NAALADL2: variants seen among roughly 807,000 people sequenced by gnomAD.
NAALADL2 encodes N-acetylated alpha-linked acidic dipeptidase like 2, also known as inactive N-acetylated-alpha-linked acidic dipeptidase-like protein 2.
In NAALADL2, 76 loss-of-function variants were observed where a neutral mutation model predicts 87.2. The observed-to-expected ratio is 0.87, with a 90% CI of 0.72 to 1.05. NAALADL2 has a LOEUF of 1.05. Ranked by LOEUF, NAALADL2 falls within the 50% of genes least tolerant of loss-of-function variation. NAALADL2 has a pLI of 0.00. For synonymous variants in NAALADL2, 354 were observed against 331.0 expected (o/e 1.07, Z -0.75); for missense variants, 1,089 against 945.8 (o/e 1.15, Z -1.99).
intron 9 of NAALADL2, among the ~76,000 whole-genome samples, chr3:175,497,391 C>T (rs1728963691): frequency 6.6e-6 from 1 of 152,246 alleles, no homozygotes; most frequent in African/African-American, 2.4e-5. Flanking sequence ...TTGCAGAATC[C>T]ACTTTTTACA....
At chr3:175,132,174 T>C (rs1336649598) in intron 2 of NAALADL2, among the ~76,000 whole-genome samples, 25 of 80,170 alleles carry the variant, frequency 3.1e-4, no homozygotes, top group African/African-American at 6.3e-4. Context: ...GGCAGCTGGC[T>C]GGGCAGAGGG....
At chr3:175,388,382 T>G (rs1768663806) in intron 5 of NAALADL2, among the ~76,000 whole-genome samples, 1 of 152,114 alleles carries the variant, frequency 6.6e-6, no homozygotes, top group Non-Finnish European at 1.5e-5. Context: ...AAACTTAGTG[T>G]AGACATTGCT....
chr3:175,780,472 A>G (rs561174811), intron 13 of NAALADL2, among the ~76,000 whole-genome samples: 1 of 152,310 alleles, frequency 6.6e-6, no homozygotes, highest in African/African-American at 2.4e-5. Flanking sequence ...AAATGTACAT[A>G]AAAATAGCAA....
intron 1 of NAALADL2, among the ~76,000 whole-genome samples, chr3:174,956,376 G>A (rs1741156616): frequency 6.6e-6 from 1 of 152,084 alleles, no homozygotes; most frequent in Non-Finnish European, 1.5e-5. Flanking sequence ...GTCATTGGAT[G>A]AAACAAATAT....
intron 1 of NAALADL2, among the ~76,000 whole-genome samples, chr3:174,919,922 A>T (rs985502682): frequency 6.6e-6 from 1 of 152,102 alleles, no homozygotes; most frequent in African/African-American, 2.4e-5. Flanking sequence ...CCTCCACTCC[A>T]CCTCTTGGGG....
At chr3:174,829,318 A>G (rs1343671857) in intron 3 of NAALADL2, among the ~76,000 whole-genome samples, 1 of 138,310 alleles carries the variant, frequency 7.2e-6, no homozygotes, top group Non-Finnish European at 1.5e-5. Context: ...TCCTGTGTCC[A>G]TCTGATCTCA....
intron 3 of NAALADL2, among the ~76,000 whole-genome samples, chr3:174,826,845 G>A (rs770936336): frequency 1.3e-5 from 2 of 152,070 alleles, no homozygotes; most frequent in African/African-American, 2.4e-5. Flanking sequence ...CCCTGCCTGA[G>A]GCCACTTCTA....
intron 6 of NAALADL2, among the ~76,000 whole-genome samples, chr3:175,461,536 C>A (rs1723129588): frequency 1.3e-5 from 2 of 152,146 alleles, no homozygotes; most frequent in Non-Finnish European, 2.9e-5. Flanking sequence ...CTAGCTACTT[C>A]CAGTAAGAAT....
At chr3:175,754,895 G>T (rs938253523) in intron 12 of NAALADL2, among the ~76,000 whole-genome samples, 1 of 152,126 alleles carries the variant, frequency 6.6e-6, no homozygotes, top group Non-Finnish European at 1.5e-5. Context: ...ATTTACTGTT[G>T]TTATTATTAT....
chr3:175,499,803 C>A (rs1334121351), intron 9 of NAALADL2, among the ~76,000 whole-genome samples: 1 of 151,906 alleles, frequency 6.6e-6, no homozygotes, highest in African/African-American at 2.4e-5. Flanking sequence ...CAAAATAATA[C>A]TTGATTTGAG....
At chr3:174,709,740 C>T (rs564245761) in intron 2 of NAALADL2, among the ~76,000 whole-genome samples, 5 of 152,194 alleles carry the variant, frequency 3.3e-5, no homozygotes, top group African/African-American at 1.2e-4. Context: ...CTACTAGACA[C>T]TAGCAACCAT....
chr3:174,538,003 A>G (rs1721883485), intron 1 of NAALADL2, among the ~76,000 whole-genome samples: 1 of 137,748 alleles, frequency 7.3e-6, no homozygotes, highest in South Asian at 2.3e-4. Context: ...CTATTGCAGT[A>G]CTTTACACAG....
At chr3:175,108,864 G>A (rs577542146) in intron 2 of NAALADL2, among the ~76,000 whole-genome samples, 1 of 151,774 alleles carries the variant, frequency 6.6e-6, no homozygotes, top group Non-Finnish European at 1.5e-5. Context: ...GAAAAATTGT[G>A]TCAGGTTTTT....
intron 9 of NAALADL2, among the ~76,000 whole-genome samples, chr3:175,551,067 C>T (rs748744135): frequency 7.3e-5 from 11 of 151,142 alleles, no homozygotes; most frequent in South Asian, 4.2e-4. Flanking sequence ...GTGAGAGAGA[C>T]GAGTGTGTGT....
intron 10 of NAALADL2, among the ~76,000 whole-genome samples, chr3:175,590,948 A>T (rs1721362442): frequency 6.6e-6 from 1 of 152,176 alleles, no homozygotes. Flanking sequence ...TAAGAGGCCC[A>T]GGGCATGATT....
intron 1 of NAALADL2, among the ~76,000 whole-genome samples, chr3:175,036,845 CCAA>C (rs139936013): frequency 1.0e-4 from 15 of 144,948 alleles, no homozygotes; most frequent in East Asian, 5.9e-4. Context: ...TACTTGCTAC[CCAA>C]CAACAACAAC....
chr3:175,584,157 C>T (rs1170485596), intron 10 of NAALADL2, among the ~76,000 whole-genome samples: 2 of 152,008 alleles, frequency 1.3e-5, no homozygotes, highest in Non-Finnish European at 2.9e-5. Flanking sequence ...CCTGCCTCAG[C>T]CTCCTGAGTA....
At chr3:175,465,177 G>A (rs1312515741) in intron 7 of NAALADL2, among the ~76,000 whole-genome samples, 2 of 151,490 alleles carry the variant, frequency 1.3e-5, no homozygotes, top group Non-Finnish European at 2.9e-5. Flanking sequence ...GCGTGAACCC[G>A]GGAGGCGGAG....
intron 1 of NAALADL2, among the ~76,000 whole-genome samples, chr3:174,509,019 C>T (rs1719405168): frequency 6.6e-6 from 1 of 151,942 alleles, no homozygotes; most frequent in Non-Finnish European, 1.5e-5. Flanking sequence ...CGTGTGGATT[C>T]CTCAGCGTTT....
Sources: gnomAD v4.1 joint callset for allele counts (sites outside exome capture counted in the v4.1 genomes callset) on GRCh38, gnomAD v4.1.1 for gene constraint, MANE v1.5 for transcripts, NCBI Gene and HGNC (gene_info 2026-07-23, HGNC 2026-07-21) for gene names.